Variants in ATP2B2 observed in about 807,000 individuals in gnomAD.
ATP2B2 encodes the protein plasma membrane calcium-transporting ATPase 2.
A neutral mutation model predicts 120.0 loss-of-function variants in ATP2B2; 15 were observed. The ratio of observed to expected loss-of-function variants is 0.12; its 90% CI spans 0.08 to 0.19. The LOEUF is 0.19. Ranked by LOEUF, ATP2B2 falls within the 10% of genes least tolerant of loss-of-function variation. The pLI, the probability that ATP2B2 is intolerant of heterozygous loss-of-function variation, is 1.00. For synonymous variants in ATP2B2, 694 were observed against 700.3 expected, an observed-to-expected ratio of 0.99 and a Z score of 0.14; for missense variants, 1,045 against 1,719.8, an observed-to-expected ratio of 0.61 and a Z score of 6.94.
intron 2 of ATP2B2, among the ~76,000 whole-genome samples, chr3:10,606,906 CACACACAGAGAGAGAGAG>C (rs2069086159): frequency 3.4e-5 from 1 of 29,170 alleles, no homozygotes; most frequent in Admixed American, 3.6e-4. Flanking sequence ...CACACACACA[CACACACAGAGAGAGAGAG>C]AGAGAGAGAG....
intron 2 of ATP2B2, among the ~76,000 whole-genome samples, chr3:10,425,644 G>A (rs984450312): frequency 2.6e-5 from 4 of 152,108 alleles, no homozygotes; most frequent in Admixed American, 6.6e-5. Context: ...TTTCCTCCAT[G>A]TACTGTCTCT....
intron 2 of ATP2B2, among the ~76,000 whole-genome samples, chr3:10,590,083 C>G (rs143854788): frequency 6.6e-6 from 1 of 152,164 alleles, no homozygotes; most frequent in African/African-American, 2.4e-5. Context: ...CTCCCATGGA[C>G]GCTACTCAGC....
At chr3:10,578,977 G>A (rs1252834819) in intron 2 of ATP2B2, among the ~76,000 whole-genome samples, 1 of 152,172 alleles carries the variant, frequency 6.6e-6, no homozygotes, top group Non-Finnish European at 1.5e-5. Context: ...CTGGATCTGG[G>A]TATTGGTCAT....
chr3:10,463,567 A>G (rs1284328821), intron 1 of ATP2B2, among the ~76,000 whole-genome samples: 2 of 152,218 alleles, frequency 1.3e-5, no homozygotes, highest in African/African-American at 4.8e-5. Context: ...TTGCAAGGTT[A>G]AAGAGATTGC....
intron 2 of ATP2B2, among the ~76,000 whole-genome samples, chr3:10,613,142 C>G (rs2069287052): frequency 6.6e-6 from 1 of 152,176 alleles, no homozygotes; most frequent in Non-Finnish European, 1.5e-5. Context: ...CACCAAAGCT[C>G]AGTGGAGTTT....
chr3:10,414,810 C>G (rs890519476), intron 2 of ATP2B2, among the ~76,000 whole-genome samples: 1 of 152,158 alleles, frequency 6.6e-6, no homozygotes, highest in Non-Finnish European at 1.5e-5. Context: ...CCCCAGCCCC[C>G]GCCCTTGCCC....
chr3:10,549,550 T>C (rs1050646971), intron 2 of ATP2B2, among the ~76,000 whole-genome samples: 2 of 152,240 alleles, frequency 1.3e-5, no homozygotes, highest in African/African-American at 2.4e-5. Context: ...GCAGCAGCAA[T>C]ACTAGCATGT....
At chr3:10,453,648 G>C (rs1416687203) in intron 1 of ATP2B2, among the ~76,000 whole-genome samples, 2 of 152,200 alleles carry the variant, frequency 1.3e-5, no homozygotes, top group Non-Finnish European at 2.9e-5. Context: ...CCGAGCTGCT[G>C]TTTTCTATCT....
chr3:10,374,564 T>TGGGG lies in ATP2B2; in HGVS notation c.1416+862_1416+865dup, dbSNP rs544767974. On this transcript the variant is annotated intron_variant, in intron 11 of 22. Transcript: ENST00000360273. The stretch of plus-strand genomic sequence containing the variant: ...CCACCCTTGCAGGGACATTCTGGCA[T>TGGGG]GGGGCACTGGGAAACAGAAGCCCTA... Among the ~76,000 whole-genome samples the TGGGG allele has an allele frequency of 1.2e-3, 183 of 152,308 alleles. 5 individuals carry two copies. The South Asian group carries it at 0.029, about 24-fold the overall frequency.
In ATP2B2 at chr3:10,450,053, A is replaced by G. The variant is rs528882045; in HGVS notation, c.-319-191T>C. 2.6e-5 allele frequency among the ~76,000 whole-genome samples: 4 copies of G among 152,172 alleles called. No individual in the cohort carries two copies. In the East Asian group the frequency reaches 5.8e-4, roughly 22 times the overall value. On this transcript the variant is annotated intron_variant, in intron 1 of 22. Coordinates refer to ENST00000360273, the MANE Select transcript of ATP2B2 (RefSeq NM_001001331.4). The stretch of plus-strand genomic sequence containing the variant: ...CAACCCAGGCACTCCACGATATGCC[A>G]CCCTCAAGGCATAGCCCCATAACAC...
intron 3 of ATP2B2, among the ~76,000 whole-genome samples, chr3:10,525,761 C>T (rs1414798612): frequency 2.0e-5 from 3 of 151,898 alleles, no homozygotes; most frequent in African/African-American, 4.8e-5. Context: ...AGTGTAAACC[C>T]GTGTAAAAAG....
chr3:10,405,287 C>T (rs2062371061), intron 3 of ATP2B2, among the ~76,000 whole-genome samples: 2 of 152,164 alleles, frequency 1.3e-5, no homozygotes, highest in South Asian at 2.1e-4. Flanking sequence ...ATTCCAACTC[C>T]CAGCCCTACC....
intron 2 of ATP2B2, among the ~76,000 whole-genome samples, chr3:10,571,224 G>A (rs2068118365): frequency 6.6e-6 from 1 of 152,244 alleles, no homozygotes; most frequent in Non-Finnish European, 1.5e-5. Flanking sequence ...CAATGCCATT[G>A]CCGTGGGGTT....
At chr3:10,563,867 C>T (rs901324507) in intron 2 of ATP2B2, among the ~76,000 whole-genome samples, 1 of 152,248 alleles carries the variant, frequency 6.6e-6, no homozygotes, top group Non-Finnish European at 1.5e-5. Flanking sequence ...AACCACACAA[C>T]TTTTGGTCCA....
intron 2 of ATP2B2, among the ~76,000 whole-genome samples, chr3:10,566,091 G>T (rs189267467): frequency 1.3e-3 from 193 of 151,644 alleles, no homozygotes; most frequent in Non-Finnish European, 2.6e-3. Context: ...TCCTTCCACT[G>T]ATTTCTCCAC....
At position 10,346,442 on chromosome 3, in the gene ATP2B2, C is replaced by T. The variant is rs1159900996; in HGVS notation, c.2405-305G>A. Among the ~76,000 whole-genome samples, 1 of 152,250 alleles carries T rather than the reference C, an allele frequency of 6.6e-6. No homozygotes were observed. Among genetic ancestry groups the T allele is most frequent in the Non-Finnish European group, 1.5e-5 (1 of 68,040 alleles). On this transcript the variant is annotated intron_variant, in intron 16 of 22. Transcript: ENST00000360273. This position sits in a 1 kb window ranked among gnomAD's most constrained non-coding sequence, Gnocchi z 4.1. ...CATTGGCATCCATCCTAACCAGAAACACTGTATCCTCTAACTGTGCTCAGG... is the reference window on the plus strand; with the variant it reads ...CATTGGCATCCATCCTAACCAGAAATACTGTATCCTCTAACTGTGCTCAGG...
At chr3:10,574,793 G>C (rs897932622) in intron 2 of ATP2B2, among the ~76,000 whole-genome samples, 1 of 152,128 alleles carries the variant, frequency 6.6e-6, no homozygotes, top group Non-Finnish European at 1.5e-5. Flanking sequence ...TCAGCTGTGT[G>C]GGGGAAGGAG....
chr3:10,367,031 C>G (rs2061080941), intron 12 of ATP2B2, among the ~76,000 whole-genome samples: 1 of 152,234 alleles, frequency 6.6e-6, no homozygotes, highest in South Asian at 2.1e-4. Flanking sequence ...CCTGCAGCCT[C>G]AGCCCTCACA....
chr3:10,580,560 G>A (rs369079610), intron 2 of ATP2B2, among the ~76,000 whole-genome samples: 25 of 152,184 alleles, frequency 1.6e-4, no homozygotes, highest in African/African-American at 5.8e-4. Context: ...TGCTCAGTGC[G>A]GCTCCTCCCC....
Sources: gnomAD v4.1 joint callset for allele counts (sites outside exome capture counted in the v4.1 genomes callset) on GRCh38, gnomAD v4.1.1 for gene constraint, Gnocchi (gnomAD v3.1) non-coding constraint, MANE v1.5 for transcripts, NCBI Gene and HGNC (gene_info 2026-07-23, HGNC 2026-07-21) for gene names.